Variants in GPBP1L1 observed in about 807,000 individuals in gnomAD.
GPBP1L1 encodes GC-rich promoter binding protein 1 like 1.
GPBP1L1 carries 23 observed loss-of-function variants against 52.5 expected under a neutral mutation model. The ratio of observed to expected loss-of-function variants is 0.44; its 90% confidence interval spans 0.32 to 0.62. The LOEUF (loss-of-function observed/expected upper bound fraction) is 0.62. Among genes scored for constraint, GPBP1L1 ranks in the 20% least tolerant of loss-of-function variants. The probability of loss-of-function intolerance (pLI) is 0.06; values close to 1 mark genes in which losing one functional copy is unlikely to be tolerated. For missense variants in GPBP1L1, 596 were observed against 579.3 expected (o/e 1.03, Z -0.30); for synonymous variants, 243 against 203.1 (o/e 1.20, Z -1.67).
intron 2 of GPBP1L1, among the ~76,000 whole-genome samples, chr1:45,662,774 G>A (rs999916672): frequency 2.0e-5 from 3 of 152,122 alleles, no homozygotes; most frequent in Middle Eastern, 3.4e-3. Context: ...ATATTAGGCC[G>A]GGTGCGGTGG....
intron 2 of GPBP1L1, among the ~76,000 whole-genome samples, chr1:45,676,862 C>G (rs928882373): frequency 6.9e-6 from 1 of 145,334 alleles, no homozygotes; most frequent in African/African-American, 2.5e-5. Flanking sequence ...CTGGGTGACA[C>G]AGAGAGACCC....
intron 2 of GPBP1L1, among the ~76,000 whole-genome samples, chr1:45,673,320 G>A (rs1009410401): frequency 6.6e-6 from 1 of 152,090 alleles, no homozygotes; most frequent in African/African-American, 2.4e-5. Flanking sequence ...GGAGTTGAGG[G>A]GTGTGAGAAG....
chr1:45,643,023 T>C (rs1185414974), intron 6 of GPBP1L1, among the ~76,000 whole-genome samples: 1 of 152,148 alleles, frequency 6.6e-6, no homozygotes, highest in East Asian at 1.9e-4. Flanking sequence ...CTAGACAAGT[T>C]AAGTACAATA....
intron 2 of GPBP1L1, among the ~76,000 whole-genome samples, chr1:45,681,951 T>C (rs560378034): frequency 1.3e-5 from 2 of 152,348 alleles, no homozygotes; most frequent in African/African-American, 2.4e-5. Context: ...TTACCGAAAT[T>C]ACTTAACTTC....
intron 2 of GPBP1L1, among the ~76,000 whole-genome samples, chr1:45,672,597 A>C (rs1473787679): frequency 6.6e-6 from 1 of 152,206 alleles, no homozygotes; most frequent in Non-Finnish European, 1.5e-5. Flanking sequence ...AGATAGCTGG[A>C]TAAGAGTCTG....
chr1:45,630,988 A>T (rs1358639140), intron 10 of GPBP1L1, among the ~76,000 whole-genome samples: 2 of 152,230 alleles, frequency 1.3e-5, no homozygotes, highest in Non-Finnish European at 2.9e-5. Flanking sequence ...GGGACAGAAC[A>T]GAGAGCCCAC....
chr1:45,629,225 G>C (rs1403231523), intron 12 of GPBP1L1, among the ~76,000 whole-genome samples: 1 of 152,210 alleles, frequency 6.6e-6, no homozygotes, highest in African/African-American at 2.4e-5. Context: ...CTACAGTGCA[G>C]ATCAGGAAGC....
intron 6 of GPBP1L1, among the ~76,000 whole-genome samples, chr1:45,648,377 G>A (rs1644778558): frequency 6.6e-6 from 1 of 152,108 alleles, no homozygotes; most frequent in African/African-American, 2.4e-5. Context: ...ACTCTTGACT[G>A]GTCCAGTCAG....
chr1:45,662,637 G>A (rs990989409), intron 2 of GPBP1L1, among the ~76,000 whole-genome samples: 3 of 151,990 alleles, frequency 2.0e-5, no homozygotes, highest in Non-Finnish European at 4.4e-5. Context: ...GGAAATGAAG[G>A]GCAATAAAAG....
At chr1:45,644,259 A>G (rs1644711667) in intron 6 of GPBP1L1, among the ~76,000 whole-genome samples, 1 of 152,202 alleles carries the variant, frequency 6.6e-6, no homozygotes, top group Admixed American at 6.5e-5. Context: ...CAGCCATAAA[A>G]GCTGTGGTTG....
At chr1:45,680,171 CA>C (rs1645195058) in intron 2 of GPBP1L1, among the ~76,000 whole-genome samples, 2 of 150,516 alleles carry the variant, frequency 1.3e-5, no homozygotes, top group African/African-American at 2.4e-5. Context: ...GTAACATTTT[CA>C]AAACTATAGT....
chr1:45,648,999 C>T (rs539647018), intron 6 of GPBP1L1, among the ~76,000 whole-genome samples: 2 of 152,344 alleles, frequency 1.3e-5, no homozygotes, highest in Admixed American at 1.3e-4. Context: ...CATTGCACTC[C>T]AGCCTGAGAC....
intron 2 of GPBP1L1, among the ~76,000 whole-genome samples, chr1:45,667,316 A>C (rs1309378430): frequency 6.6e-6 from 1 of 152,264 alleles, no homozygotes; most frequent in East Asian, 1.9e-4. Flanking sequence ...CCCTCTCTAC[A>C]AACTCCTTGT....
rs1334391059 is a variant in GPBP1L1 at position 45,660,417 on chromosome 1, G to A, written c.-289C>T. On this transcript the variant is annotated 5_prime_UTR_variant, in exon 3 of 13. Coordinates refer to ENST00000355105, the MANE Select transcript of GPBP1L1 (RefSeq NM_021639.5). ...AAAGGGGAAAGGGGAAAAGGGGAAG[G>A]GGGGAAGGGGAACATAAAAAGTATT... is the stretch of plus-strand genomic sequence containing the variant. 12 of 980,732 alleles carry A rather than the reference G, an allele frequency of 1.2e-5. No individual in the cohort carries two copies. Among genetic ancestry groups the A allele is most frequent in the Non-Finnish European group, 1.3e-5 (11 of 825,784 alleles). 60.8% of individuals were successfully genotyped at this position (980,732 alleles called of 1,614,324 possible).
intron 8 of GPBP1L1, 135 bp from the exon 9 acceptor site, chr1:45,634,371 G>GC: frequency 2.3e-6 from 2 of 851,396 alleles, no homozygotes; most frequent in Middle Eastern, 3.8e-4. Context: ...AACATGTTTG[G>GC]GAAGTATGCA....
At chr1:45,657,124 A>C (rs1394953151) in intron 4 of GPBP1L1, among the ~76,000 whole-genome samples, 1 of 152,196 alleles carries the variant, frequency 6.6e-6, no homozygotes, top group African/African-American at 2.4e-5. Flanking sequence ...CACGGTGCTA[A>C]AACAATTATT....
intron 6 of GPBP1L1, among the ~76,000 whole-genome samples, chr1:45,643,432 A>G (rs933752566): frequency 6.6e-6 from 1 of 152,184 alleles, no homozygotes; most frequent in Admixed American, 6.5e-5. Flanking sequence ...CCGTCACTCT[A>G]GTAGCAGCTT....
chr1:45,659,143 C>G lies in GPBP1L1; in HGVS notation c.-55-1G>C. The G allele has an allele frequency of 1.9e-6, 3 of 1,570,880 alleles. No individual in the cohort carries two copies. The highest frequency in any genetic ancestry group is 2.6e-6 in the Non-Finnish European group (3 of 1,142,526). On this transcript the variant is annotated splice_acceptor_variant, in intron 3 of 12. Coordinates refer to ENST00000355105, the MANE Select transcript of GPBP1L1 (RefSeq NM_021639.5). LOFTEE classifies it low-confidence loss of function (5UTR_SPLICE). ...AGGCATCCAACCTCATGGCCAGGATCTGAAAACAAAACAATTCAAATCACT... is the reference window on the plus strand; with the variant it reads ...AGGCATCCAACCTCATGGCCAGGATGTGAAAACAAAACAATTCAAATCACT...
chr1:45,649,788 C>G (rs183951996), intron 6 of GPBP1L1, among the ~76,000 whole-genome samples: 18 of 152,242 alleles, frequency 1.2e-4, no homozygotes, highest in African/African-American at 3.9e-4. Context: ...TTAACACTTC[C>G]ATCAACCAGA....
Sources: gnomAD v4.1 joint callset for allele counts (sites outside exome capture counted in the v4.1 genomes callset) on GRCh38, gnomAD v4.1.1 for gene constraint, MANE v1.5 for transcripts, NCBI Gene and HGNC (gene_info 2026-07-23, HGNC 2026-07-21) for gene names.